Variants in SCARF2 observed in about 807,000 individuals in gnomAD.
SCARF2 encodes the protein scavenger receptor expressed by endothelial cells 2 protein.
A neutral mutation model predicts 73.4 loss-of-function variants in SCARF2; 39 were observed. That is an observed-to-expected ratio of 0.53 (90% CI 0.41 to 0.69). The LOEUF is 0.69. SCARF2 is among the 30% of genes least tolerant of loss of function. The probability of loss-of-function intolerance (pLI) is 0.00; values close to 1 mark genes in which losing one functional copy is unlikely to be tolerated. For synonymous variants in SCARF2, 605 were observed against 590.0 expected (o/e 1.03, Z -0.37); for missense variants, 1,148 against 1,303.5 (o/e 0.88, Z 1.84).
rs1368601749 is a variant in SCARF2, at chr22:20,430,728, G to C, written c.1035C>G (p.Gly345=). The part of the protein sequence containing the change: ...RDGHACNHVT[G]KCTRCNAGWI... Reference sequence around the variant, plus strand: ...AGCCCGCGTTGCAGCGCGTACACTTGCCGGTGACATGGTTACAGGCATGCC... The same window carrying C: ...AGCCCGCGTTGCAGCGCGTACACTTCCCGGTGACATGGTTACAGGCATGCC... The change falls in exon 5 of 11, where the codon GGC becomes GGG. Residue 345 remains glycine (G), a synonymous_variant. Coordinates refer to ENST00000622235, the MANE Select transcript of SCARF2 (RefSeq NM_182895.5). 2 of 1,606,920 alleles carry C rather than the reference G, an allele frequency of 1.2e-6. No homozygotes were observed. The highest frequency in any genetic ancestry group is 2.7e-5 in the African/African-American group (2 of 74,856).
rs2052615120 is a variant in SCARF2 at position 20,429,349 on chromosome 22, G to T, written c.1425-9C>A. ...TCCCAAGCGAAAGCTCCCTGCGGGGGCGGGGTCTGAGCGGAGGGGCGGGGC... is the reference window on the plus strand; with the variant it reads ...TCCCAAGCGAAAGCTCCCTGCGGGGTCGGGGTCTGAGCGGAGGGGCGGGGC... On this transcript the variant is annotated splice_polypyrimidine_tract_variant and intron_variant, in intron 8 of 10. Transcript: ENST00000622235. The surrounding 1 kb of genome is among the most constrained non-coding windows in gnomAD (Gnocchi z 5.2). 6.2e-7 allele frequency: 1 copy of T among 1,607,542 alleles called. No individual in the cohort carries two copies. Among genetic ancestry groups the T allele is most frequent in the Non-Finnish European group, 8.5e-7 (1 of 1,177,312 alleles).
At chr22:20,432,175 C>T (rs561039915) in intron 1 of SCARF2, among the ~76,000 whole-genome samples, 187 bp from the exon 2 acceptor site, 3 of 152,266 alleles carry the variant, frequency 2.0e-5, no homozygotes, top group South Asian at 2.1e-4. Context: ...CAGACCTCAC[C>T]GCCAAGAACT....
At chr22:20,435,637 C>T (rs1264468299) in intron 1 of SCARF2, among the ~76,000 whole-genome samples, 2 of 152,184 alleles carry the variant, frequency 1.3e-5, no homozygotes, top group African/African-American at 4.8e-5. Flanking sequence ...GGGAACCTTG[C>T]CCCAGACACC....
intron 4 of SCARF2, 34 bp downstream of exon 4, chr22:20,430,984 C>A: frequency 6.4e-7 from 1 of 1,568,834 alleles, no homozygotes; most frequent in Non-Finnish European, 8.6e-7. Context: ...CGCCCTTCCA[C>A]CTCCTCCCTC....
rs1419020109 is a variant in SCARF2, at chr22:20,431,368, G to C, written c.504C>G (p.Gly168=). Reference sequence around the variant, plus strand: ...ACCAGCCGGGCTCACAGCGGCACGCGCCGCTCCGCGGGTGGCACGTGCCGT... The same window carrying C: ...ACCAGCCGGGCTCACAGCGGCACGCCCCGCTCCGCGGGTGGCACGTGCCGT... The part of the protein sequence containing the change: ...CQHGTCHPRS[G]ACRCEPGWWG... Residue 168 remains glycine, a synonymous_variant, in exon 4 of 11, where the codon GGC becomes GGG. Coordinates refer to ENST00000622235, the MANE Select transcript of SCARF2 (RefSeq NM_182895.5). The C allele has an allele frequency of 6.6e-7, 1 of 1,519,106 alleles. No individual in the cohort carries two copies. The highest frequency in any genetic ancestry group is 8.8e-7 in the Non-Finnish European group (1 of 1,140,150). 94.1% of individuals were successfully genotyped at this position (1,519,106 alleles called of 1,614,324 possible).
rs920607433 is a variant in SCARF2, at chr22:20,429,453, G to A, written c.1424+83C>T. The A allele has an allele frequency of 4.4e-6, 7 of 1,577,280 alleles. No homozygotes were observed. The highest frequency in any genetic ancestry group is 4.1e-5 in the African/African-American group (3 of 74,008). ...GCGGGGCCACGTCCGGGGCAGGGGCGCGGAAGGGTTGGATCTGGGTCCGGT... is the reference window on the plus strand; with the variant it reads ...GCGGGGCCACGTCCGGGGCAGGGGCACGGAAGGGTTGGATCTGGGTCCGGT... On this transcript the variant is annotated intron_variant, in intron 8 of 10. Coordinates refer to ENST00000622235, the MANE Select transcript of SCARF2 (RefSeq NM_182895.5). The surrounding 1 kb of genome is among the most constrained non-coding windows in gnomAD (Gnocchi z 5.2).
rs776399375 is a variant in SCARF2 at position 20,430,914 on chromosome 22, G to C, written c.855-6C>G. 6.3e-7 allele frequency: 1 copy of C among 1,584,094 alleles called. No individual in the cohort carries two copies. Among genetic ancestry groups the C allele is most frequent in the Non-Finnish European group, 8.6e-7 (1 of 1,169,354 alleles). ...GGCCCTTGCACTGGCCACACCTGGGGGAGGGGTCGGAGGCTAGGGAAGGCT... is the reference window on the plus strand; with the variant it reads ...GGCCCTTGCACTGGCCACACCTGGGCGAGGGGTCGGAGGCTAGGGAAGGCT... On this transcript the variant is annotated splice_polypyrimidine_tract_variant and splice_region_variant and intron_variant, in intron 4 of 10. Coordinates refer to ENST00000622235, the MANE Select transcript of SCARF2 (RefSeq NM_182895.5).
chr22:20,435,502 T>G (rs1333983761), intron 1 of SCARF2, among the ~76,000 whole-genome samples: 1 of 152,164 alleles, frequency 6.6e-6, no homozygotes, highest in Non-Finnish European at 1.5e-5. Flanking sequence ...AGCCCAAGTC[T>G]TCTGAGCAGT....
Position 20,429,379 on chromosome 22 carries a change from G to T in SCARF2, c.1425-39C>A. 6.4e-7 allele frequency: 1 copy of T among 1,567,016 alleles called. No individual in the cohort carries two copies. The highest frequency in any genetic ancestry group is 8.7e-7 in the Non-Finnish European group (1 of 1,155,532). On this transcript the variant is annotated intron_variant, in intron 8 of 10. Coordinates refer to ENST00000622235, the MANE Select transcript of SCARF2 (RefSeq NM_182895.5). The surrounding 1 kb of genome is among the most constrained non-coding windows in gnomAD (Gnocchi z 5.2). ...GTCTGAGCGGAGGGGCGGGGCCGGG[G>T]CGGGGCCCAGGGGCGATTAGATCTC...
chr22:20,433,501 T>C (rs1263514927), intron 1 of SCARF2, among the ~76,000 whole-genome samples: 1 of 152,078 alleles, frequency 6.6e-6, no homozygotes, highest in Non-Finnish European at 1.5e-5. Flanking sequence ...CCTGGCATGC[T>C]CCTGCCCAGG....
chr22:20,430,394 AG>A, intron 6 of SCARF2, 34 bp downstream of exon 6: 1 of 1,574,356 alleles, frequency 6.4e-7, no homozygotes, highest in Non-Finnish European at 8.6e-7. Flanking sequence ...GGCAGGTACA[AG>A]CCCCCAACCC....
intron 10 of SCARF2, among the ~76,000 whole-genome samples, chr22:20,426,957 A>G: frequency 6.7e-6 from 1 of 150,356 alleles, no homozygotes; most frequent in East Asian, 1.9e-4. Flanking sequence ...AAGGCTTCTG[A>G]GGCTCTGAGT....
At position 20,429,651 on chromosome 22, in the gene SCARF2, T is replaced by C. The variant is rs1275451753; in HGVS notation, c.1309A>G (p.Thr437Ala). 2 of 1,613,896 alleles carry C rather than the reference T, an allele frequency of 1.2e-6. No homozygotes were observed. The highest frequency in any genetic ancestry group is 1.7e-6 in the Non-Finnish European group (2 of 1,179,912). ...DPVTGACHLE[T>A]NQRKGVMGAG... The stretch of plus-strand genomic sequence containing the variant: ...CCCATCACGCCCTTGCGCTGGTTGG[T>C]TTCTGTAGGGGGTTATGGGGTCAGC... Residue 437 changes from threonine to alanine, a missense_variant and splice_region_variant, in exon 8 of 11, where the codon ACC becomes GCC. Thr to Ala is a moderately conservative substitution (Grantham distance 58, BLOSUM62 0). Transcript: ENST00000622235. This position sits in a 1 kb window ranked among gnomAD's most constrained non-coding sequence, Gnocchi z 5.2.
intron 3 of SCARF2, 21 bp downstream of exon 3, chr22:20,431,724 C>A: frequency 4.2e-6 from 6 of 1,413,352 alleles, no homozygotes; most frequent in Non-Finnish European, 5.7e-6. Flanking sequence ...CCGACCAATA[C>A]CGGCCCGACC....
intron 1 of SCARF2, among the ~76,000 whole-genome samples, chr22:20,436,821 C>T (rs564819873): frequency 6.6e-5 from 10 of 152,326 alleles, no homozygotes; most frequent in Admixed American, 2.6e-4. Context: ...GTCCGGGGCT[C>T]ACCTCTCTGC....
chr22:20,431,038 G>A lies in SCARF2; in HGVS notation c.834C>T (p.Tyr278=), dbSNP rs925295607. ...YCREPCPAGF[Y]GLGCRRRCGQ... is the part of the protein sequence containing the mutation. ...CTTACCGGCGGCGACAGCCCAAGCCGTAGAAGCCGGCGGGGCACGGCTCGC... is the reference window on the plus strand; with the variant it reads ...CTTACCGGCGGCGACAGCCCAAGCCATAGAAGCCGGCGGGGCACGGCTCGC... Residue 278 remains tyrosine, a synonymous_variant, in exon 4 of 11, where the codon TAC becomes TAT. Coordinates refer to ENST00000622235, the MANE Select transcript of SCARF2 (RefSeq NM_182895.5). 5 of 1,574,900 alleles carry A rather than the reference G, an allele frequency of 3.2e-6. No homozygotes were observed. The African/African-American group carries it at 6.7e-5, about 21-fold the overall frequency.
chr22:20,425,940 CG>C lies in SCARF2; in HGVS notation c.2035del (p.Arg679ValfsTer260). On this transcript the variant is annotated frameshift_variant, in exon 11 of 11. Transcript: ENST00000622235. LOFTEE classifies it low-confidence loss of function (END_TRUNC). This position sits in a 1 kb window ranked among gnomAD's most constrained non-coding sequence, Gnocchi z 4.6. Reference protein sequence around the residue: ...HGKHSAAAAGRAPSPPPPGSE... With the variant: ...HGKHSAAAAGXAPSPPPPGSE... ...GCCTGGCGGCGGTGGTGAGGGCGCACGGCCAGCTGCAGCGGCGCTGTGCTTG... is the reference window on the plus strand; with the variant it reads ...GCCTGGCGGCGGTGGTGAGGGCGCACGCCAGCTGCAGCGGCGCTGTGCTTG... 6.3e-7 allele frequency: 1 copy of C among 1,594,678 alleles called. No individual in the cohort carries two copies. Among genetic ancestry groups the C allele is most frequent in the Non-Finnish European group, 8.5e-7 (1 of 1,174,558 alleles).
Position 20,429,364 on chromosome 22 carries a change from AGGGGCGGGGCC to A in SCARF2, c.1425-35_1425-25del, listed in dbSNP as rs761153453. On this transcript the variant is annotated intron_variant, in intron 8 of 10. Transcript: ENST00000622235. The surrounding 1 kb of genome is among the most constrained non-coding windows in gnomAD (Gnocchi z 5.2). Reference sequence around the variant, plus strand: ...CCCTGCGGGGGCGGGGTCTGAGCGGAGGGGCGGGGCCGGGGCGGGGCCCAGGGGCGATTAGA... The same window carrying A: ...CCCTGCGGGGGCGGGGTCTGAGCGGAGGGGCGGGGCCCAGGGGCGATTAGA... 5.8e-3 allele frequency: 1,778 copies of A among 308,330 alleles called. 5 individuals carry two copies. Among genetic ancestry groups the A allele is most frequent in the South Asian group, 9.8e-3 (311 of 31,794 alleles). The allele number at this position is 308,330 out of a possible 1,614,324, so 19.1% of individuals were successfully genotyped here.
Position 20,429,084 on chromosome 22 carries a change from C to T in SCARF2, c.1540+141G>A. The T allele has an allele frequency of 8.9e-7, 1 of 1,118,018 alleles. No homozygotes were observed. Among genetic ancestry groups the T allele is most frequent in the East Asian group, 2.5e-5 (1 of 39,380 alleles). 69.3% of individuals were successfully genotyped at this position (1,118,018 alleles called of 1,614,324 possible). On this transcript the variant is annotated intron_variant, in intron 9 of 10. Transcript: ENST00000622235. This position sits in a 1 kb window ranked among gnomAD's most constrained non-coding sequence, Gnocchi z 5.2. ...CCACACCTCTTACCTTCCCTCTGGT[C>T]GCACCTCCTCGCGCCCACGCACATC...
Sources: allele counts gnomAD v4.1 joint callset (sites outside exome capture counted in the v4.1 genomes callset), GRCh38; gene constraint gnomAD v4.1.1; non-coding constraint Gnocchi (gnomAD v3.1); transcripts MANE v1.5; gene names NCBI Gene and HGNC (gene_info 2026-07-23, HGNC 2026-07-21).